PLAGL2: variants seen among roughly 807,000 people sequenced by gnomAD.
PLAGL2 encodes PLAG1 like zinc finger 2.
Under a neutral mutation model 29.0 loss-of-function variants are expected in PLAGL2, and 7 were observed. That is an observed-to-expected ratio of 0.24 (90% CI 0.14 to 0.45). The LOEUF is 0.45. PLAGL2 is among the 20% of genes least tolerant of loss of function. PLAGL2 has a pLI of 0.99. For missense variants in PLAGL2, 454 were observed against 648.2 expected, an observed-to-expected ratio of 0.70 and a Z score of 3.25; for synonymous variants, 234 against 266.0, an observed-to-expected ratio of 0.88 and a Z score of 1.17.
At chr20:32,202,639 T>C (rs2047265683) in intron 1 of PLAGL2, among the ~76,000 whole-genome samples, 1 of 152,212 alleles carries the variant, frequency 6.6e-6, no homozygotes, top group Non-Finnish European at 1.5e-5. Flanking sequence ...TCAAACTTTT[T>C]CTTCTGGACC....
chr20:32,194,703 C>T lies in PLAGL2; in HGVS notation c.*1749G>A, dbSNP rs1459046544. ...TGGGTGAGGGAGGACTGGTAGGAGG[C>T]TGAGGCAATTCCTTGGTAGTTTGTC... On this transcript the variant is annotated 3_prime_UTR_variant, in exon 3 of 3. Transcript: ENST00000246229. 6.6e-6 allele frequency: 1 copy of T among 152,670 alleles called. No individual in the cohort carries two copies. Among genetic ancestry groups the T allele is most frequent in the East Asian group, 1.9e-4 (1 of 5,200 alleles). The allele number at this position is 152,670 out of a possible 1,614,324, so 9.5% of individuals were successfully genotyped here.
intron 1 of PLAGL2, among the ~76,000 whole-genome samples, chr20:32,202,721 T>C (rs896490447): frequency 4.6e-5 from 7 of 152,192 alleles, no homozygotes; most frequent in Non-Finnish European, 2.9e-5. Context: ...CACCTCCTCG[T>C]CCACTACTTT....
At chr20:32,206,268 C>T (rs893325394) in intron 1 of PLAGL2, among the ~76,000 whole-genome samples, 17 of 152,200 alleles carry the variant, frequency 1.1e-4, no homozygotes, top group Non-Finnish European at 2.2e-4. Context: ...CCCCCGCCCA[C>T]TCCAGAGTGG....
At position 32,201,996 on chromosome 20, in the gene PLAGL2, C is replaced by T. The variant is rs1923097; in HGVS notation, c.183G>A (p.Pro61=). 145 of 1,614,048 alleles carry T rather than the reference C, an allele frequency of 9.0e-5. No individual in the cohort carries two copies. In the East Asian group the frequency reaches 1.6e-3, roughly 18 times the overall value. The part of the protein sequence containing the change: ...NGEKLRPHSL[P]QPEQRPYSCP... ...AGCTATATGGTCTCTGCTCTGGTTG[C>T]GGGAGGCTGTGAGGCCTCAGCTTCT... Residue 61 remains proline, a synonymous_variant, in exon 2 of 3, where the codon CCG becomes CCA. Coordinates refer to ENST00000246229, the MANE Select transcript of PLAGL2 (RefSeq NM_002657.3).
intron 1 of PLAGL2, among the ~76,000 whole-genome samples, chr20:32,203,561 C>T (rs1195145772): frequency 1.3e-5 from 2 of 152,204 alleles, no homozygotes; most frequent in East Asian, 3.8e-4. Flanking sequence ...GATCATGAGG[C>T]TTTTCCATGT....
chr20:32,202,337 G>A, intron 1 of PLAGL2, 45 bp from the exon 2 acceptor site: 1 of 660,660 alleles, frequency 1.5e-6, no homozygotes. Flanking sequence ...AATACCATGA[G>A]AACATGGGCT....
chr20:32,204,349 T>G (rs2047275054), intron 1 of PLAGL2, among the ~76,000 whole-genome samples: 1 of 152,138 alleles, frequency 6.6e-6, no homozygotes, highest in Non-Finnish European at 1.5e-5. Context: ...CACGTCCACC[T>G]CATCTGTTCT....
intron 1 of PLAGL2, among the ~76,000 whole-genome samples, chr20:32,202,737 A>G (rs1381566745): frequency 6.6e-6 from 1 of 152,146 alleles, no homozygotes; most frequent in African/African-American, 2.4e-5. Flanking sequence ...ACTTTCCACA[A>G]TTGTCCTCCT....
chr20:32,197,118 C>T lies in PLAGL2; in HGVS notation c.825G>A (p.Val275=). The T allele has an allele frequency of 1.2e-6, 2 of 1,614,208 alleles. No individual in the cohort carries two copies. Among genetic ancestry groups the T allele is most frequent in the Non-Finnish European group, 1.7e-6 (2 of 1,180,024 alleles). ...TTACGTCCCGAGAGGCCATGCACAG[C>T]ACAGGGCTCAGCTCTTCCTTCACAC... ...TVSVKEELSP[V]LCMASRDVMG... The change falls in exon 3 of 3, where the codon GTG becomes GTA. Residue 275 remains valine (V), a synonymous_variant. Coordinates refer to ENST00000246229, the MANE Select transcript of PLAGL2 (RefSeq NM_002657.3). The surrounding 1 kb of genome is among the most constrained non-coding windows in gnomAD (Gnocchi z 6.6).
Position 32,197,560 on chromosome 20 carries a change from T to C in PLAGL2, c.383A>G (p.His128Arg), listed in dbSNP as rs781461996. 77 of 1,614,104 alleles carry C rather than the reference T, an allele frequency of 4.8e-5. No individual in the cohort carries two copies. The Middle Eastern group carries it at 1.5e-3, about 31-fold the overall frequency. ...GTAATTCTTACCGCACTCAGAGCAG[T>C]GGAGGGCCTCTTTGTTAGGATCATG... Reference protein sequence around the residue: ...QTHDPNKEALHCSECGKNYNT... With the variant: ...QTHDPNKEALRCSECGKNYNT... Residue 128 changes from histidine (H) to arginine (R), a missense_variant, in exon 3 of 3, where the codon CAC becomes CGC. By Grantham distance (29) the His-to-Arg change is conservative. Coordinates refer to ENST00000246229, the MANE Select transcript of PLAGL2 (RefSeq NM_002657.3). This position sits in a 1 kb window ranked among gnomAD's most constrained non-coding sequence, Gnocchi z 6.6.
Position 32,197,360 on chromosome 20 carries a change from G to T in PLAGL2, c.583C>A (p.His195Asn). The change falls in exon 3 of 3, where the codon CAC becomes AAC. Residue 195 changes from histidine to asparagine, a missense_variant. By Grantham distance (68) the His-to-Asn change is moderately conservative. Around this residue, in one of 4 missense-constraint regions of PLAGL2, gnomAD observed 111 missense variants for 173.1 expected, o/e 0.64. Coordinates refer to ENST00000246229, the MANE Select transcript of PLAGL2 (RefSeq NM_002657.3). This position sits in a 1 kb window ranked among gnomAD's most constrained non-coding sequence, Gnocchi z 6.6. ...GAKEKKHPCD[H>N]CDRRFYTRKD... is the part of the protein sequence containing the mutation. Reference sequence around the variant, plus strand: ...CGAGTATAGAACCGCCGGTCGCAGTGGTCACAGGGGTGCTTCTTCTCCTTG... The same window carrying T: ...CGAGTATAGAACCGCCGGTCGCAGTTGTCACAGGGGTGCTTCTTCTCCTTG... 6.2e-7 allele frequency: 1 copy of T among 1,606,984 alleles called. No homozygotes were observed. Among genetic ancestry groups the T allele is most frequent in the Non-Finnish European group, 8.5e-7 (1 of 1,177,112 alleles).
In PLAGL2 at chr20:32,197,782, TA is replaced by T; in HGVS notation, c.261-101del. ...GTGTCCATTAACAGGAAACTAGATA[TA>T]AAAACCATGGTAAAGGCTTGCAATG... On this transcript the variant is annotated intron_variant, in intron 2 of 2. Transcript: ENST00000246229. This position sits in a 1 kb window ranked among gnomAD's most constrained non-coding sequence, Gnocchi z 6.6. 6.1e-6 allele frequency: 6 copies of T among 979,888 alleles called. No homozygotes were observed. Among genetic ancestry groups the T allele is most frequent in the Non-Finnish European group, 9.2e-6 (6 of 653,196 alleles). The allele number at this position is 979,888 out of a possible 1,614,324, so 60.7% of individuals were successfully genotyped here. A position where few individuals can be genotyped will look rare whatever the true frequency, so the allele number is the denominator to read the frequency against.
rs1052764193 is a variant in PLAGL2, at chr20:32,196,391, C to T, written c.*61G>A. ...CAGCTGCCTTCATGGGGGACACAGA[C>T]GGGGTGGGTACTAAGGCTCCATAAC... is the stretch of plus-strand genomic sequence containing the variant. On this transcript the variant is annotated 3_prime_UTR_variant, in exon 3 of 3. Transcript: ENST00000246229. 1.9e-5 allele frequency: 23 copies of T among 1,237,086 alleles called. No individual in the cohort carries two copies. Among genetic ancestry groups the T allele is most frequent in the African/African-American group, 6.2e-5 (4 of 64,856 alleles). 76.6% of individuals were successfully genotyped at this position (1,237,086 alleles called of 1,614,324 possible).
intron 1 of PLAGL2, among the ~76,000 whole-genome samples, chr20:32,205,636 G>A (rs562651526): frequency 6.6e-6 from 1 of 152,086 alleles, no homozygotes; most frequent in Non-Finnish European, 1.5e-5. Flanking sequence ...TAGAAACTGC[G>A]TTCTTTCTCC....
rs2047297788 is a variant in PLAGL2, at chr20:32,207,703, C to G, written c.-177G>C. On this transcript the variant is annotated 5_prime_UTR_variant, in exon 1 of 3. Coordinates refer to ENST00000246229, the MANE Select transcript of PLAGL2 (RefSeq NM_002657.3). ...CGGGCTCCGCCAGGCCCCCTCAGGCCCCGGTAGTGGCGGCGGTCGGGCCAT... is the reference window on the plus strand; with the variant it reads ...CGGGCTCCGCCAGGCCCCCTCAGGCGCCGGTAGTGGCGGCGGTCGGGCCAT... 1 of 283,428 alleles carries G rather than the reference C, an allele frequency of 3.5e-6. No individual in the cohort carries two copies. Among genetic ancestry groups the G allele is most frequent in the African/African-American group, 2.2e-5 (1 of 44,454 alleles). 17.6% of individuals were successfully genotyped at this position (283,428 alleles called of 1,614,324 possible).
rs377474471 is a variant in PLAGL2, at chr20:32,196,989, C to T, written c.954G>A (p.Thr318=). 10 of 1,614,048 alleles carry T rather than the reference C, an allele frequency of 6.2e-6. No homozygotes were observed. The highest frequency in any genetic ancestry group is 1.1e-5 in the South Asian group (1 of 91,088). ...TGVPHSLVHN[T]LPMGMSYPLE... Reference sequence around the variant, plus strand: ...GAGGGTAGCTCATACCCATGGGCAGCGTGTTGTGCACCAGGGAGTGTGGCA... The same window carrying T: ...GAGGGTAGCTCATACCCATGGGCAGTGTGTTGTGCACCAGGGAGTGTGGCA... Residue 318 remains threonine, a synonymous_variant, in exon 3 of 3, where the codon ACG becomes ACA. Transcript: ENST00000246229.
In PLAGL2 at chr20:32,197,192, T is replaced by G; in HGVS notation, c.751A>C (p.Thr251Pro). 1 of 1,614,194 alleles carries G rather than the reference T, an allele frequency of 6.2e-7. No homozygotes were observed. Among genetic ancestry groups the G allele is most frequent in the Non-Finnish European group, 8.5e-7 (1 of 1,180,030 alleles). ...AGGCCTAACATGTCCACGGGCTCTG[T>G]CTTGATCTTGAGCAGCTCCTGCGAG... ...SHSQELLKIKTEPVDMLGLLS... is the reference protein window; with the variant it reads ...SHSQELLKIKPEPVDMLGLLS... Residue 251 changes from threonine (T) to proline (P), a missense_variant, in exon 3 of 3, where the codon ACA (threonine) becomes CCA (proline). Physicochemically the swap from Thr to Pro is conservative, Grantham distance 38 (BLOSUM62 -1). Transcript: ENST00000246229. The surrounding 1 kb of genome is among the most constrained non-coding windows in gnomAD (Gnocchi z 6.6).
chr20:32,200,612 A>G (rs2047254460), intron 2 of PLAGL2, among the ~76,000 whole-genome samples: 1 of 151,452 alleles, frequency 6.6e-6, no homozygotes, highest in African/African-American at 2.4e-5. Context: ...GTTTTTTTTG[A>G]GACAGTCTTG....
chr20:32,206,703 T>C (rs1161839151), intron 1 of PLAGL2, among the ~76,000 whole-genome samples: 2 of 152,136 alleles, frequency 1.3e-5, no homozygotes, highest in Non-Finnish European at 2.9e-5. Flanking sequence ...TGTCCCCATA[T>C]CCTCCACCTA....
Sources: gnomAD v4.1 joint callset for allele counts (sites outside exome capture counted in the v4.1 genomes callset) on GRCh38, gnomAD v4.1.1 for gene constraint, gnomAD v4.1.1 regional missense constraint, Gnocchi (gnomAD v3.1) non-coding constraint, MANE v1.5 for transcripts, NCBI Gene and HGNC (gene_info 2026-07-23, HGNC 2026-07-21) for gene names.